TMC1: variants seen among roughly 807,000 people sequenced by gnomAD.
The protein encoded by TMC1 is transmembrane channel like 1, also known as transmembrane channel-like protein 1.
Under a neutral mutation model 105.8 loss-of-function variants are expected in TMC1, and 84 were observed. That is an observed-to-expected ratio of 0.79 (90% CI 0.67 to 0.95). The LOEUF (loss-of-function observed/expected upper bound fraction) is 0.95, where lower values mean the gene tolerates loss of function less well. Among genes scored for constraint, TMC1 ranks in the 40% least tolerant of loss-of-function variants. The probability of loss-of-function intolerance (pLI) is 0.00; values close to 1 mark genes in which losing one functional copy is unlikely to be tolerated. For synonymous variants in TMC1, 315 were observed against 311.5 expected, an observed-to-expected ratio of 1.01 and a Z score of -0.12; for missense variants, 817 against 914.1, an observed-to-expected ratio of 0.89 and a Z score of 1.37.
intron 1 of TMC1, among the ~76,000 whole-genome samples, chr9:72,559,592 T>C (rs1464253822): frequency 6.6e-6 from 1 of 152,000 alleles, no homozygotes; most frequent in Admixed American, 6.6e-5. Context: ...ATGGCACTGC[T>C]CAGGAAGAGA....
intron 1 of TMC1, among the ~76,000 whole-genome samples, chr9:72,548,050 C>T (rs1277913278): frequency 1.3e-5 from 2 of 152,132 alleles, no homozygotes; most frequent in African/African-American, 4.8e-5. Flanking sequence ...AGCACTCTAC[C>T]TTCGCAACCA....
At chr9:72,795,363 T>C (rs1828346786) in intron 17 of TMC1, among the ~76,000 whole-genome samples, 1 of 151,930 alleles carries the variant, frequency 6.6e-6, no homozygotes. Context: ...TTTTCTCAGG[T>C]CAAAATGAAA....
At chr9:72,708,454 T>C (rs1826781332) in intron 8 of TMC1, among the ~76,000 whole-genome samples, 2 of 152,164 alleles carry the variant, frequency 1.3e-5, no homozygotes, top group Non-Finnish European at 2.9e-5. Context: ...CCATGTTTTG[T>C]AGTTTTCCTT....
chr9:72,545,580 T>C (rs12346534), intron 1 of TMC1, among the ~76,000 whole-genome samples: 81,444 of 151,934 alleles, frequency 0.54, 23,037 homozygotes, highest in African/African-American at 0.73. Context: ...CTCTGCCTCC[T>C]GGGTTCAAGT....
At chr9:72,602,549 A>AT (rs1296248248) in intron 2 of TMC1, among the ~76,000 whole-genome samples, 6 of 151,790 alleles carry the variant, frequency 4.0e-5, no homozygotes, top group Non-Finnish European at 7.4e-5. Context: ...TAATTTTTGT[A>AT]TTTTTAGTAG....
intron 18 of TMC1, among the ~76,000 whole-genome samples, chr9:72,814,139 CACCTCATGAT>C (rs1828745847): frequency 6.6e-6 from 1 of 152,118 alleles, no homozygotes; most frequent in South Asian, 2.1e-4. Context: ...TTTGGTGGGC[CACCTCATGAT>C]ACCATTCTAA....
chr9:72,599,474 C>T (rs1052358659), intron 2 of TMC1, among the ~76,000 whole-genome samples: 2 of 152,100 alleles, frequency 1.3e-5, no homozygotes, highest in African/African-American at 4.8e-5. Flanking sequence ...TTACAAAAAG[C>T]CTATAGGTTG....
intron 5 of TMC1, among the ~76,000 whole-genome samples, chr9:72,664,189 G>A (rs944130715): frequency 3.3e-5 from 5 of 152,226 alleles, no homozygotes; most frequent in African/African-American, 7.2e-5. Flanking sequence ...TAACAGAGTC[G>A]GTTATTATCA....
intron 2 of TMC1, among the ~76,000 whole-genome samples, chr9:72,583,924 T>G (rs1824511096): frequency 1.3e-5 from 2 of 152,190 alleles, no homozygotes; most frequent in South Asian, 4.1e-4. Context: ...GTATCAGAAA[T>G]AACTTTGTGA....
chr9:72,715,934 G>A (rs1377220969), intron 8 of TMC1, among the ~76,000 whole-genome samples: 1 of 152,126 alleles, frequency 6.6e-6, no homozygotes, highest in Non-Finnish European at 1.5e-5. Flanking sequence ...GTGACCTTCG[G>A]CTGGGGTCTC....
chr9:72,721,157 G>C (rs975412172), intron 8 of TMC1, among the ~76,000 whole-genome samples: 2 of 152,184 alleles, frequency 1.3e-5, no homozygotes, highest in African/African-American at 4.8e-5. Flanking sequence ...AGCACATGCA[G>C]AAAAGCTCTC....
intron 8 of TMC1, among the ~76,000 whole-genome samples, chr9:72,709,299 T>C (rs2117902300): frequency 6.6e-6 from 1 of 152,298 alleles, no homozygotes; most frequent in South Asian, 2.1e-4. Context: ...TCTATGTTCA[T>C]CAGGGATATT....
intron 17 of TMC1, among the ~76,000 whole-genome samples, chr9:72,797,422 G>A (rs1828389780): frequency 6.6e-6 from 1 of 151,986 alleles, no homozygotes. Context: ...ACAATCCAAA[G>A]AAAAAAGAAT....
At chr9:72,796,309 C>T (rs1028582755) in intron 17 of TMC1, among the ~76,000 whole-genome samples, 3 of 152,136 alleles carry the variant, frequency 2.0e-5, no homozygotes, top group Non-Finnish European at 4.4e-5. Context: ...GAACTGGTAA[C>T]ATTCCTACTG....
chr9:72,780,685 A>G (rs190605781), intron 13 of TMC1, among the ~76,000 whole-genome samples: 7 of 152,344 alleles, frequency 4.6e-5, no homozygotes, highest in Admixed American at 3.9e-4. Context: ...TTTAAACCAA[A>G]CAGACTTTAA....
chr9:72,559,916 C>A (rs1587957219), intron 1 of TMC1, among the ~76,000 whole-genome samples: 1 of 152,264 alleles, frequency 6.6e-6, no homozygotes, highest in Non-Finnish European at 1.5e-5. Context: ...GGTGCACAAC[C>A]AGACCTCAAT....
chr9:72,804,865 A>G (rs1268191014), intron 17 of TMC1, among the ~76,000 whole-genome samples: 1 of 152,102 alleles, frequency 6.6e-6, no homozygotes, highest in Non-Finnish European at 1.5e-5. Context: ...GGGTTTCGGT[A>G]TTTTTCAATT....
intron 1 of TMC1, among the ~76,000 whole-genome samples, chr9:72,541,538 A>C (rs1823677476): frequency 6.6e-6 from 1 of 152,134 alleles, no homozygotes; most frequent in African/African-American, 2.4e-5. Context: ...AAATACAAAA[A>C]TTAGCCGGGC....
chr9:72,716,782 C>A (rs528367392), intron 8 of TMC1, among the ~76,000 whole-genome samples: 2 of 152,254 alleles, frequency 1.3e-5, no homozygotes, highest in South Asian at 4.1e-4. Context: ...GGTTCTGTCT[C>A]ACTGACATTC....
Sources: allele counts gnomAD v4.1 joint callset (sites outside exome capture counted in the v4.1 genomes callset), GRCh38; gene constraint gnomAD v4.1.1; transcripts MANE v1.5; gene names NCBI Gene and HGNC (gene_info 2026-07-23, HGNC 2026-07-21).